Variants in FYB1 observed in about 807,000 individuals in gnomAD.
The protein encoded by FYB1 is FYN binding protein 1, also known as FYN-binding protein 1.
A neutral mutation model predicts 94.1 loss-of-function variants in FYB1; 41 were observed. The observed-to-expected ratio is 0.44, with a 90% CI of 0.34 to 0.57. The LOEUF is 0.57. Ranked by LOEUF, FYB1 falls within the 20% of genes least tolerant of loss-of-function variation. The probability of loss-of-function intolerance (pLI) is 0.02; values close to 1 mark genes in which losing one functional copy is unlikely to be tolerated. For missense variants in FYB1, 1,050 were observed against 976.8 expected (o/e 1.07, Z -1.00); for synonymous variants, 367 against 353.2 (o/e 1.04, Z -0.44).
In FYB1 at chr5:39,169,242, G is replaced by A. The variant is rs528176339; in HGVS notation, c.1136-15638C>T. The A allele has an allele frequency of 1.9e-5, 21 of 1,121,098 alleles. No individual in the cohort carries two copies. In the Admixed American group the frequency reaches 2.7e-4, roughly 14 times the overall value. The allele number at this position is 1,121,098 out of a possible 1,614,324, so 69.4% of individuals were successfully genotyped here. A position where few individuals can be genotyped will look rare whatever the true frequency, so the allele number is the denominator to read the frequency against. The stretch of plus-strand genomic sequence containing the variant: ...ATATGGTTGGTCGTGGTGCATTTCT[G>A]GTGTATAAGTCAACAGAACAATCAT... On this transcript the variant is annotated intron_variant, in intron 2 of 18. Coordinates refer to ENST00000512982, the MANE Select transcript of FYB1 (RefSeq NM_001465.6).
At chr5:39,179,709 C>G (rs1384945766) in intron 2 of FYB1, among the ~76,000 whole-genome samples, 1 of 152,056 alleles carries the variant, frequency 6.6e-6, no homozygotes, top group African/African-American at 2.4e-5. Flanking sequence ...AAACTCCTGA[C>G]CTCAGGTGAT....
chr5:39,243,306 T>A (rs1751305466), intron 1 of FYB1, among the ~76,000 whole-genome samples: 1 of 151,926 alleles, frequency 6.6e-6, no homozygotes, highest in African/African-American at 2.4e-5. Flanking sequence ...CCATCTTGAA[T>A]TAATTTTTGT....
intron 2 of FYB1, among the ~76,000 whole-genome samples, chr5:39,161,119 A>G (rs1269046665): frequency 1.3e-5 from 2 of 149,544 alleles, no homozygotes; most frequent in African/African-American, 4.9e-5. Context: ...ATTTTATTTA[A>G]AATTACCATA....
At position 39,119,668 on chromosome 5, in the gene FYB1, T is replaced by G. The variant is rs1485060872; in HGVS notation, c.2139-34A>C. The stretch of plus-strand genomic sequence containing the variant: ...GCAGAACACACATAAAACAACACTT[T>G]GTTTAGAAAATTAAAAAGAATAGTC... On this transcript the variant is annotated intron_variant, in intron 14 of 18. Transcript: ENST00000512982. 10 of 1,443,504 alleles carry G rather than the reference T, an allele frequency of 6.9e-6. No homozygotes were observed. In the South Asian group the frequency reaches 1.4e-4, roughly 20 times the overall value. 89.4% of individuals were successfully genotyped at this position (1,443,504 alleles called of 1,614,324 possible). A position where few individuals can be genotyped will look rare whatever the true frequency, so the allele number is the denominator to read the frequency against.
At chr5:39,169,164 A>G in intron 2 of FYB1, 1 of 765,264 alleles carries the variant, frequency 1.3e-6, no homozygotes. Flanking sequence ...GCAGATCCCA[A>G]GTTTAGAAAA....
At chr5:39,135,077 GCAATTTTGAAAGATATAAGTCTACAA>G in intron 7 of FYB1, 63 bp from the exon 8 acceptor site, 4 of 1,554,648 alleles carry the variant, frequency 2.6e-6, no homozygotes, top group Non-Finnish European at 3.5e-6. Flanking sequence ...TTTAAGGAAT[GCAATTTTGAAAGATATAAGTCTACAA>G]CTTGCTAAGC....
At chr5:39,223,450 A>C (rs1750353275), upstream of FYB1, among the ~76,000 whole-genome samples, 1 of 152,222 alleles carries the variant, frequency 6.6e-6, no homozygotes, top group Non-Finnish European at 1.5e-5. Flanking sequence ...TGAAGTTTTC[A>C]TTATTTTTGT....
chr5:39,124,269 A>G lies in FYB1; in HGVS notation c.2055T>C (p.Ala685=). The part of the protein sequence containing the change: ...SDNNEGSSFP[A]PPKQLDMGDE... ...ATTACTTACCCAATTGTTTAGGAGGAGCAGGGAAACTACAAAGAAAGTGAG... is the reference window on the plus strand; with the variant it reads ...ATTACTTACCCAATTGTTTAGGAGGGGCAGGGAAACTACAAAGAAAGTGAG... Residue 685 remains alanine, a synonymous_variant, in exon 13 of 19, where the codon GCT becomes GCC. Transcript: ENST00000512982. 2 of 1,555,990 alleles carry G rather than the reference A, an allele frequency of 1.3e-6. No individual in the cohort carries two copies. The highest frequency in any genetic ancestry group is 2.1e-5 in the Admixed American group (1 of 46,914).
intron 16 of FYB1, among the ~76,000 whole-genome samples, chr5:39,112,592 C>T (rs937904351): frequency 1.3e-5 from 2 of 151,978 alleles, no homozygotes; most frequent in East Asian, 1.9e-4. Context: ...TTTGCTTACG[C>T]TTTTAGGTAA....
upstream of FYB1, among the ~76,000 whole-genome samples, chr5:39,222,552 C>T (rs1226311941): frequency 6.6e-6 from 1 of 152,108 alleles, no homozygotes; most frequent in Non-Finnish European, 1.5e-5. Context: ...AAGAAATGTA[C>T]ACATTTAGAA....
chr5:39,229,944 G>T (rs904850337), intron 1 of FYB1, among the ~76,000 whole-genome samples: 1 of 152,168 alleles, frequency 6.6e-6, no homozygotes, highest in Non-Finnish European at 1.5e-5. Context: ...TGAGGTGCCT[G>T]GGCATCTGTA....
At chr5:39,166,629 A>G (rs1455562288) in intron 2 of FYB1, among the ~76,000 whole-genome samples, 2 of 152,176 alleles carry the variant, frequency 1.3e-5, no homozygotes, top group Non-Finnish European at 2.9e-5. Flanking sequence ...CAGCCATAAA[A>G]AAATAAAATT....
intron 2 of FYB1, among the ~76,000 whole-genome samples, chr5:39,183,229 A>G: frequency 6.6e-6 from 1 of 151,740 alleles, no homozygotes; most frequent in Non-Finnish European, 1.5e-5. Flanking sequence ...CAGGTGATCC[A>G]CCTGTCTCGG....
intron 2 of FYB1, among the ~76,000 whole-genome samples, chr5:39,194,874 C>T (rs1747689705): frequency 6.6e-6 from 1 of 152,150 alleles, no homozygotes; most frequent in Non-Finnish European, 1.5e-5. Context: ...TGGAGGTCTT[C>T]TGGACAACTG....
chr5:39,223,639 A>T (rs1750358901), upstream of FYB1, among the ~76,000 whole-genome samples: 1 of 152,212 alleles, frequency 6.6e-6, no homozygotes, highest in Non-Finnish European at 1.5e-5. Context: ...CCCCCATGCA[A>T]GAGTAATTCT....
intron 2 of FYB1, among the ~76,000 whole-genome samples, chr5:39,185,406 C>T (rs1223220917): frequency 6.6e-6 from 1 of 151,362 alleles, no homozygotes; most frequent in Non-Finnish European, 1.5e-5. Flanking sequence ...AATGTTTTCC[C>T]CCTTAGATAT....
intron 1 of FYB1, among the ~76,000 whole-genome samples, chr5:39,228,179 G>A (rs544896951): frequency 1.1e-4 from 16 of 152,298 alleles, no homozygotes; most frequent in African/African-American, 3.6e-4. Flanking sequence ...ACTACATTTA[G>A]TTGGTAGATA....
intron 16 of FYB1, among the ~76,000 whole-genome samples, chr5:39,115,216 C>G (rs1223947579): frequency 1.3e-5 from 2 of 152,042 alleles, no homozygotes; most frequent in Admixed American, 1.3e-4. Context: ...CTGCCTCAGC[C>G]TCTCTAGTAG....
At chr5:39,136,074 T>C (rs1209135314) in intron 7 of FYB1, among the ~76,000 whole-genome samples, 1 of 152,116 alleles carries the variant, frequency 6.6e-6, no homozygotes, top group Non-Finnish European at 1.5e-5. Flanking sequence ...TATAGATTTT[T>C]GTTATTTTTT....
Sources: allele counts gnomAD v4.1 joint callset (sites outside exome capture counted in the v4.1 genomes callset), GRCh38; gene constraint gnomAD v4.1.1; transcripts MANE v1.5; gene names NCBI Gene and HGNC (gene_info 2026-07-23, HGNC 2026-07-21).